FAM120C: variants seen among roughly 807,000 people sequenced by gnomAD.
FAM120C encodes the protein constitutive coactivator of PPAR-gamma-like protein 2.
A neutral mutation model predicts 71.2 loss-of-function variants in FAM120C; 14 were observed. That is an observed-to-expected ratio of 0.20 (90% CI 0.13 to 0.31). The LOEUF (loss-of-function observed/expected upper bound fraction) is 0.31. Among genes scored for constraint, FAM120C ranks in the 10% least tolerant of loss-of-function variants. The pLI, the probability that FAM120C is intolerant of heterozygous loss-of-function variation, is 1.00. For synonymous variants in FAM120C, 354 were observed against 353.2 expected, an observed-to-expected ratio of 1.00 and a Z score of -0.03; for missense variants, 500 against 879.0, an observed-to-expected ratio of 0.57 and a Z score of 5.45.
At chrX:54,178,782 C>T (rs1305744921) in intron 1 of FAM120C, among the ~76,000 whole-genome samples, 9 of 111,733 alleles carry the variant, frequency 8.1e-5, no homozygotes, top group African/African-American at 2.6e-4. Context: ...TTCTAGAGAA[C>T]CAAAGCACAA....
chrX:54,105,964 G>C (rs2066904850), intron 10 of FAM120C, among the ~76,000 whole-genome samples: 1 of 111,946 alleles, frequency 8.9e-6, no homozygotes, highest in Admixed American at 9.6e-5. Context: ...AATCAATGTC[G>C]TGAAAATGGC....
At chrX:54,093,472 T>TGTTTG (rs1483196314) in intron 10 of FAM120C, among the ~76,000 whole-genome samples, 1 of 112,023 alleles carries the variant, frequency 8.9e-6, no homozygotes, top group Non-Finnish European at 1.9e-5. Context: ...TGGAGCTTTT[T>TGTTTG]GTTTGGTTTG....
chrX:54,094,083 CTTTTTTTTT>C (rs35721972), intron 10 of FAM120C, among the ~76,000 whole-genome samples: 4 of 61,443 alleles, frequency 6.5e-5, no homozygotes, highest in Non-Finnish European at 8.4e-5. Flanking sequence ...TCCACGACTC[CTTTTTTTTT>C]TTTTTTTTTT....
intron 10 of FAM120C, among the ~76,000 whole-genome samples, chrX:54,096,765 A>G (rs1557123341): frequency 4.5e-5 from 5 of 111,728 alleles, no homozygotes; most frequent in South Asian, 3.7e-4. Context: ...AATCTTGCCT[A>G]TATCTCTGAT....
At chrX:54,145,492 T>C (rs112131236) in intron 4 of FAM120C, among the ~76,000 whole-genome samples, 66 of 111,530 alleles carry the variant, frequency 5.9e-4, no homozygotes, top group Admixed American at 1.1e-3. Flanking sequence ...AAAAAGTGGG[T>C]GAAGGATATG....
chrX:54,081,276 A>G (rs2066763446), intron 14 of FAM120C, 46 bp downstream of exon 14: 11 of 1,156,744 alleles, frequency 9.5e-6, no homozygotes, highest in Non-Finnish European at 1.3e-5. Context: ...AGGCCTAGGC[A>G]TTTTCCCAAG....
At chrX:54,077,472 G>C (rs1473730747) in intron 15 of FAM120C, among the ~76,000 whole-genome samples, 1 of 110,717 alleles carries the variant, frequency 9.0e-6, no homozygotes, top group Non-Finnish European at 1.9e-5. Context: ...TTGAGGCCAA[G>C]AGTTTGATAC....
At chrX:54,155,963 C>G (rs2067207442) in intron 3 of FAM120C, among the ~76,000 whole-genome samples, 1 of 110,904 alleles carries the variant, frequency 9.0e-6, no homozygotes, top group Non-Finnish European at 1.9e-5. Flanking sequence ...GAGATGGGAC[C>G]TAGTATAAGT....
chrX:54,140,312 G>A (rs184049271), intron 4 of FAM120C, among the ~76,000 whole-genome samples: 1 of 102,866 alleles, frequency 9.7e-6, no homozygotes, highest in African/African-American at 3.5e-5. Flanking sequence ...AAAAGAAAAA[G>A]AAAAAAGAAA....
In FAM120C at chrX:54,133,797, T is replaced by C. The variant is rs981381138; in HGVS notation, c.1866A>G (p.Pro622=). The change falls in exon 8 of 16, where the codon CCA becomes CCG. Residue 622 remains proline (P), a synonymous_variant. Transcript: ENST00000375180. ...EHRHRRGLMY[P]YIYHVLTKGE... ...CCTTAGTGAGGACATGGTAGATATA[T>C]GGGTACATAAGACCCCTCCGGTGTC... 1.5e-5 allele frequency: 18 copies of C among 1,209,426 alleles called. No homozygotes were observed. Among genetic ancestry groups the C allele is most frequent in the Non-Finnish European group, 2.0e-5 (18 of 894,909 alleles).
intron 10 of FAM120C, among the ~76,000 whole-genome samples, chrX:54,115,005 C>T (rs1429218270): frequency 9.0e-6 from 1 of 111,143 alleles, no homozygotes; most frequent in African/African-American, 3.3e-5. Flanking sequence ...GTGATCCACC[C>T]ACCTTGGCCT....
At chrX:54,170,179 C>T (rs781854306) in intron 1 of FAM120C, among the ~76,000 whole-genome samples, 1 of 111,275 alleles carries the variant, frequency 9.0e-6, no homozygotes, top group Non-Finnish European at 1.9e-5. Context: ...TCTTGTTGCC[C>T]AGGCTGGAGT....
chrX:54,102,725 T>G (rs1557124290), intron 10 of FAM120C, among the ~76,000 whole-genome samples: 1 of 64,457 alleles, frequency 1.6e-5, no homozygotes, highest in Admixed American at 2.0e-4. Context: ...TATTTACGTG[T>G]TTTTTTTTTT....
intron 9 of FAM120C, among the ~76,000 whole-genome samples, chrX:54,126,475 CCTA>C (rs1251050171): frequency 1.8e-5 from 2 of 111,816 alleles, no homozygotes; most frequent in Non-Finnish European, 3.8e-5. Context: ...GCAGGGCCTA[CCTA>C]CTGTGGGACT....
chrX:54,170,770 G>C (rs782634076), intron 1 of FAM120C, among the ~76,000 whole-genome samples: 4 of 112,073 alleles, frequency 3.6e-5, no homozygotes, highest in Admixed American at 9.5e-5. Context: ...AAGTAGCTAT[G>C]AAAGTCTGTT....
intron 9 of FAM120C, among the ~76,000 whole-genome samples, chrX:54,117,065 A>C (rs1300419941): frequency 3.6e-5 from 4 of 111,082 alleles, no homozygotes; most frequent in African/African-American, 1.3e-4. Flanking sequence ...TTTGCAGATA[A>C]AGAAATCAAG....
rs1300857411 is a variant in FAM120C, at chrX:54,127,932, ATG to A, written c.2062+4758_2062+4759del. Among the ~76,000 whole-genome samples the A allele has an allele frequency of 2.7e-5, 3 of 110,402 alleles. No homozygotes were observed. In the East Asian group the frequency reaches 8.5e-4, roughly 31 times the overall value. ...GATATAATGATTTCTTTCCCTTTGA[ATG>A]TATGCCCAGTAGTGGGATGGCTAGA... On this transcript the variant is annotated intron_variant, in intron 9 of 15. Transcript: ENST00000375180.
chrX:54,125,457 A>G (rs1341850286), intron 9 of FAM120C, among the ~76,000 whole-genome samples: 1 of 110,926 alleles, frequency 9.0e-6, no homozygotes, highest in African/African-American at 3.3e-5. Flanking sequence ...ACACTACCAC[A>G]ACTGGCTATA....
chrX:54,137,370 T>A (rs1180640045), intron 4 of FAM120C, among the ~76,000 whole-genome samples: 15 of 112,347 alleles, frequency 1.3e-4, no homozygotes, highest in African/African-American at 4.8e-4. Flanking sequence ...TGGCTTACAG[T>A]ATTATTTTGT....
Sources: allele counts gnomAD v4.1 joint callset (sites outside exome capture counted in the v4.1 genomes callset), GRCh38; gene constraint gnomAD v4.1.1; transcripts MANE v1.5; gene names NCBI Gene and HGNC (gene_info 2026-07-23, HGNC 2026-07-21).